FUCA1: variants seen among roughly 807,000 people sequenced by gnomAD.
The protein encoded by FUCA1 is tissue alpha-L-fucosidase.
A neutral mutation model predicts 56.8 loss-of-function variants in FUCA1; 52 were observed. That is an observed-to-expected ratio of 0.92 (90% CI 0.73 to 1.15). The LOEUF is 1.15. FUCA1 is among the 50% of genes most tolerant of loss of function. The pLI, the probability that FUCA1 is intolerant of heterozygous loss-of-function variation, is 0.00. For missense variants in FUCA1, 568 were observed against 592.6 expected (o/e 0.96, Z 0.43); for synonymous variants, 230 against 226.6 (o/e 1.02, Z -0.14).
At chr1:23,854,669 G>C in intron 4 of FUCA1, 109 bp from the exon 5 acceptor site, 1 of 938,360 alleles carries the variant, frequency 1.1e-6, no homozygotes, top group South Asian at 1.3e-5. Flanking sequence ...GTCTAGAGCA[G>C]TGGCTGTCAA....
chr1:23,862,476 T>C (rs1639529641), intron 3 of FUCA1, among the ~76,000 whole-genome samples: 1 of 152,144 alleles, frequency 6.6e-6, no homozygotes, highest in South Asian at 2.1e-4. Context: ...TAAAGGTGAT[T>C]TTCCTTTGCT....
At chr1:23,854,735 A>G (rs993924525) in intron 4 of FUCA1, among the ~76,000 whole-genome samples, 175 bp from the exon 5 acceptor site, 2 of 152,102 alleles carry the variant, frequency 1.3e-5, no homozygotes, top group African/African-American at 4.8e-5. Flanking sequence ...GACATTTTTG[A>G]TTGTCACAAC....
chr1:23,848,814 C>T lies in FUCA1; in HGVS notation c.995G>A (p.Gly332Glu), dbSNP rs1177361428. The change falls in exon 6 of 8, where the codon GGA becomes GAA. Residue 332 changes from glycine (G) to glutamate (E), a missense_variant. Gly to Glu is a moderately conservative substitution (Grantham distance 98). Transcript: ENST00000374479. ...TCCAATGTTCAGAAGATAGTTGCCT[C>T]CCAAACTTACTGTCTGAACCAGTTC... ...ISELVQTVSLGGNYLLNIGPT... is the reference protein window; with the variant it reads ...ISELVQTVSLEGNYLLNIGPT... The T allele has an allele frequency of 1.2e-6, 2 of 1,614,096 alleles. No homozygotes were observed. Among genetic ancestry groups the T allele is most frequent in the Non-Finnish European group, 1.7e-6 (2 of 1,180,014 alleles).
chr1:23,852,398 C>A (rs1570676929), intron 5 of FUCA1, among the ~76,000 whole-genome samples: 1 of 151,880 alleles, frequency 6.6e-6, no homozygotes, highest in Admixed American at 6.6e-5. Context: ...CTATTGCCTG[C>A]ATGACAGAGC....
chr1:23,848,901 A>G lies in FUCA1; in HGVS notation c.970-62T>C, dbSNP rs1570673504. ...ATGCCAAGCCTGGCATCATGCTTAA[A>G]ATAGACAGAGAAGAAAAAGAATCTA... On this transcript the variant is annotated intron_variant, in intron 5 of 7. Coordinates refer to ENST00000374479, the MANE Select transcript of FUCA1 (RefSeq NM_000147.5). 9 of 1,365,542 alleles carry G rather than the reference A, an allele frequency of 6.6e-6. No homozygotes were observed. In the East Asian group the frequency reaches 2.1e-4, roughly 31 times the overall value. The allele number at this position is 1,365,542 out of a possible 1,614,324, so 84.6% of individuals were successfully genotyped here. A position where few individuals can be genotyped will look rare whatever the true frequency, so the allele number is the denominator to read the frequency against.
intron 3 of FUCA1, among the ~76,000 whole-genome samples, chr1:23,862,117 C>T (rs534603785): frequency 6.6e-6 from 1 of 152,160 alleles, no homozygotes; most frequent in African/African-American, 2.4e-5. Context: ...TGGTCTCTTA[C>T]AATTGTTACT....
intron 4 of FUCA1, among the ~76,000 whole-genome samples, chr1:23,856,923 C>T (rs772478938): frequency 6.6e-6 from 1 of 150,756 alleles, no homozygotes; most frequent in African/African-American, 2.4e-5. Flanking sequence ...ACCCAGGAGG[C>T]GGAGGTTGCA....
In FUCA1 at chr1:23,859,795, T is replaced by C. The variant is rs376539237; in HGVS notation, c.768+3A>G. 1.9e-6 allele frequency: 3 copies of C among 1,585,764 alleles called. No individual in the cohort carries two copies. Among genetic ancestry groups the C allele is most frequent in the Non-Finnish European group, 2.6e-6 (3 of 1,154,362 alleles). ...ATAAATAAGAAGTCATATAATCACA[T>C]ACCTTGACAGGGCTGTCATTGTAGA... is the stretch of plus-strand genomic sequence containing the variant. On this transcript the variant is annotated splice_donor_region_variant and intron_variant, in intron 4 of 7. Transcript: ENST00000374479.
intron 3 of FUCA1, 148 bp from the exon 4 acceptor site, chr1:23,860,051 C>CT (rs1639475398): frequency 1.6e-6 from 1 of 638,642 alleles, no homozygotes. Flanking sequence ...TCACAATGCA[C>CT]TATAGTCTCG....
In FUCA1 at chr1:23,867,915, GA is replaced by G; in HGVS notation, c.371del (p.Phe124SerfsTer9). 1 of 1,551,830 alleles carries G rather than the reference GA, an allele frequency of 6.4e-7. No homozygotes were observed. Among genetic ancestry groups the G allele is most frequent in the Non-Finnish European group, 8.7e-7 (1 of 1,148,140 alleles). ...ACACTCACTTGGCGCCCGCGGCCTG[GA>G]AGAGGTCGGCCCACTCCTCCGGGTG... ...FFHPEEWADL[F>X]QAAGAKYVVL... is the part of the protein sequence containing the mutation. On this transcript the variant is annotated frameshift_variant, in exon 1 of 8. Coordinates refer to ENST00000374479, the MANE Select transcript of FUCA1 (RefSeq NM_000147.5). LOFTEE classifies it high-confidence loss of function. This position sits in a 1 kb window ranked among gnomAD's most constrained non-coding sequence, Gnocchi z 4.9.
chr1:23,868,102 A>G lies in FUCA1; in HGVS notation c.185T>C (p.Ile62Thr). The G allele has an allele frequency of 6.2e-7, 1 of 1,611,794 alleles. No individual in the cohort carries two copies. The highest frequency in any genetic ancestry group is 1.1e-5 in the South Asian group (1 of 90,916). ...GGGCACCGAGAACACGCCCCAGTGGATGAACACCCCGAACTTGGCTTCGTC... is the reference window on the plus strand; with the variant it reads ...GGGCACCGAGAACACGCCCCAGTGGGTGAACACCCCGAACTTGGCTTCGTC... Reference protein sequence around the residue: ...WFDEAKFGVFIHWGVFSVPAW... With the variant: ...WFDEAKFGVFTHWGVFSVPAW... Residue 62 changes from isoleucine (I) to threonine (T), a missense_variant, in exon 1 of 8, where the codon ATC becomes ACC. Coordinates refer to ENST00000374479, the MANE Select transcript of FUCA1 (RefSeq NM_000147.5).
chr1:23,856,991 CA>C (rs1203986219), intron 4 of FUCA1, among the ~76,000 whole-genome samples: 15 of 128,314 alleles, frequency 1.2e-4, no homozygotes, highest in South Asian at 2.5e-4. Flanking sequence ...GACTCCCTCT[CA>C]AAAAAAAAAG....
rs868850775 is a variant in FUCA1, at chr1:23,854,473, G to A, written c.856C>T (p.Gln286Ter). 3 of 1,614,078 alleles carry A rather than the reference G, an allele frequency of 1.9e-6. No individual in the cohort carries two copies. The highest frequency in any genetic ancestry group is 2.2e-5 in the East Asian group (1 of 44,882). Reference sequence around the variant, plus strand: ...TCCCACTTGTGATCTGGCAAGCTCTGTGGCTTGAATTTATCTTCACAGTTA... The same window carrying A: ...TCCCACTTGTGATCTGGCAAGCTCTATGGCTTGAATTTATCTTCACAGTTA... ...YYNCEDKFKP[Q>*]SLPDHKWEMC... Residue 286 changes from glutamine to a stop codon, truncating the protein, a stop_gained, in exon 5 of 8, where the codon CAG becomes TAG. Transcript: ENST00000374479. LOFTEE classifies it high-confidence loss of function.
In FUCA1 at chr1:23,858,561, C is replaced by T. The variant is rs569132670; in HGVS notation, c.768+1237G>A. Reference sequence around the variant, plus strand: ...GTAAATGGGCAGCCATTATGCACTGCCTCATAGTGTTGATTATAGGGAGGC... The same window carrying T: ...GTAAATGGGCAGCCATTATGCACTGTCTCATAGTGTTGATTATAGGGAGGC... On this transcript the variant is annotated intron_variant, in intron 4 of 7. Coordinates refer to ENST00000374479, the MANE Select transcript of FUCA1 (RefSeq NM_000147.5). 3.9e-5 allele frequency among the ~76,000 whole-genome samples: 6 copies of T among 152,292 alleles called. No homozygotes were observed. The East Asian group carries it at 1.2e-3, about 29-fold the overall frequency.
Position 23,849,871 on chromosome 1 carries a change from G to A in FUCA1, c.970-1032C>T, listed in dbSNP as rs554231074. On this transcript the variant is annotated intron_variant, in intron 5 of 7. Coordinates refer to ENST00000374479, the MANE Select transcript of FUCA1 (RefSeq NM_000147.5). ...GCTGGTATTACAGGTGTGAGCCACC[G>A]TGCTCAGCCAAGAGATACATTCTTT... 1.2e-3 allele frequency among the ~76,000 whole-genome samples: 187 copies of A among 152,040 alleles called. 1 individual carries two copies. The highest frequency in any genetic ancestry group is 2.3e-3 in the Admixed American group (35 of 15,268).
At chr1:23,859,508 G>A (rs753015130) in intron 4 of FUCA1, among the ~76,000 whole-genome samples, 5 of 151,722 alleles carry the variant, frequency 3.3e-5, no homozygotes, top group Non-Finnish European at 7.4e-5. Flanking sequence ...AGAGGTTGCA[G>A]TGAGCGGAGA....
At chr1:23,857,400 T>C (rs1159392921) in intron 4 of FUCA1, among the ~76,000 whole-genome samples, 3 of 152,126 alleles carry the variant, frequency 2.0e-5, no homozygotes, top group Non-Finnish European at 4.4e-5. Context: ...GAGACAGATA[T>C]GCAGACAATT....
At chr1:23,847,421 T>C (rs976970310) in intron 6 of FUCA1, among the ~76,000 whole-genome samples, 1 of 151,994 alleles carries the variant, frequency 6.6e-6, no homozygotes, top group Non-Finnish European at 1.5e-5. Flanking sequence ...AAATCACTAC[T>C]ATGGTTTGAA....
At chr1:23,850,707 C>T (rs1456867604) in intron 5 of FUCA1, among the ~76,000 whole-genome samples, 3 of 152,056 alleles carry the variant, frequency 2.0e-5, no homozygotes, top group Non-Finnish European at 2.9e-5. Context: ...AGGATGGTCT[C>T]GAATTCCTGA....
Sources: allele counts gnomAD v4.1 joint callset (sites outside exome capture counted in the v4.1 genomes callset), GRCh38; gene constraint gnomAD v4.1.1; non-coding constraint Gnocchi (gnomAD v3.1); transcripts MANE v1.5; gene names NCBI Gene and HGNC (gene_info 2026-07-23, HGNC 2026-07-21).